Variants in ASPRV1 observed in about 807,000 individuals in gnomAD.
ASPRV1 encodes the protein aspartic peptidase retroviral like 1, also known as retroviral-like aspartic protease 1.
In ASPRV1, 7 loss-of-function variants were observed where a neutral mutation model predicts 11.0. The ratio of observed to expected loss-of-function variants is 0.64; its 90% CI spans 0.36 to 1.20. The LOEUF (loss-of-function observed/expected upper bound fraction) is 1.20. Among genes scored for constraint, ASPRV1 ranks in the 50% most tolerant of loss-of-function variants. The pLI, the probability that ASPRV1 is intolerant of heterozygous loss-of-function variation, is 0.02. For synonymous variants in ASPRV1, 136 were observed against 138.4 expected (o/e 0.98, Z 0.12); for missense variants, 299 against 320.0 (o/e 0.93, Z 0.50).
At chr2:70,009,591 A>G in the ASPRV1 span, among the ~76,000 whole-genome samples, 70 of 152,266 alleles carry the variant, frequency 4.6e-4, no homozygotes, top group African/African-American at 1.6e-3. Context: ...CGGCCTCCCA[A>G]AGTGCTGGGA....
At chr2:69,947,517 T>A in the ASPRV1 span, among the ~76,000 whole-genome samples, 3 of 152,196 alleles carry the variant, frequency 2.0e-5, no homozygotes, top group East Asian at 1.9e-4. Flanking sequence ...GTGACCCAGT[T>A]TCCCCTTAGT....
chr2:70,048,535 T>G, the ASPRV1 span, among the ~76,000 whole-genome samples: 20 of 151,928 alleles, frequency 1.3e-4, no homozygotes, highest in African/African-American at 4.8e-4. Flanking sequence ...GCAGGAGGTA[T>G]GGAATCTATG....
chr2:70,037,149 G>A, the ASPRV1 span, among the ~76,000 whole-genome samples: 4 of 152,238 alleles, frequency 2.6e-5, no homozygotes, highest in East Asian at 5.8e-4. Flanking sequence ...TTCAACTCCA[G>A]GAAACAAATC....
the ASPRV1 span, among the ~76,000 whole-genome samples, chr2:69,997,296 T>C: frequency 2.4e-4 from 36 of 152,096 alleles, no homozygotes; most frequent in Non-Finnish European, 4.3e-4. Flanking sequence ...CATGGCTTTA[T>C]CCATCTCCTC....
chr2:69,951,513 ATC>A, the ASPRV1 span, among the ~76,000 whole-genome samples: 348 of 148,716 alleles, frequency 2.3e-3, no homozygotes, highest in African/African-American at 7.8e-3. Flanking sequence ...ATATATATAG[ATC>A]TATACACACA....
At chr2:70,047,736 G>T in the ASPRV1 span, among the ~76,000 whole-genome samples, 1 of 152,224 alleles carries the variant, frequency 6.6e-6, no homozygotes, top group African/African-American at 2.4e-5. Context: ...GCTACAGTCA[G>T]AAGCCTCCCG....
the ASPRV1 span, among the ~76,000 whole-genome samples, chr2:69,936,281 C>T: frequency 6.6e-6 from 1 of 152,126 alleles, no homozygotes; most frequent in African/African-American, 2.4e-5. Context: ...TGACATTTGA[C>T]AGTGGTTTGT....
At chr2:70,082,195 G>A in the ASPRV1 span, among the ~76,000 whole-genome samples, 1 of 151,944 alleles carries the variant, frequency 6.6e-6, no homozygotes, top group Non-Finnish European at 1.5e-5. Flanking sequence ...ATGTTGGTCA[G>A]GCTGGTCTCG....
At chr2:70,055,577 T>C in the ASPRV1 span, 2 of 151,886 alleles carry the variant, frequency 1.3e-5, no homozygotes, top group South Asian at 4.2e-4. Flanking sequence ...GAGCTGAACA[T>C]TGAGAACACA....
chr2:70,048,754 A>G, the ASPRV1 span: 1 of 152,454 alleles, frequency 6.6e-6, no homozygotes, highest in Non-Finnish European at 1.5e-5. Flanking sequence ...TCCAGGTGTC[A>G]GTAGGGCCAT....
At chr2:69,957,837 T>C (rs1171002996), downstream of ASPRV1, among the ~76,000 whole-genome samples, 2 of 152,208 alleles carry the variant, frequency 1.3e-5, no homozygotes, top group African/African-American at 4.8e-5. Context: ...GTGATTATCA[T>C]GTGCTCCAAA....
At chr2:70,013,778 G>A in the ASPRV1 span, among the ~76,000 whole-genome samples, 1 of 152,166 alleles carries the variant, frequency 6.6e-6, no homozygotes. Flanking sequence ...CTACTCAGGA[G>A]GCTGAGGCAT....
chr2:69,947,142 T>G, the ASPRV1 span, among the ~76,000 whole-genome samples: 3 of 152,196 alleles, frequency 2.0e-5, no homozygotes, highest in African/African-American at 7.2e-5. Flanking sequence ...TTGTGATGAT[T>G]CTTGGCTACT....
At chr2:70,053,005 C>G in the ASPRV1 span, among the ~76,000 whole-genome samples, 2 of 152,122 alleles carry the variant, frequency 1.3e-5, no homozygotes, top group African/African-American at 4.8e-5. Flanking sequence ...CCCTTTTTGG[C>G]CCCTACCATG....
At chr2:69,946,666 A>G in the ASPRV1 span, among the ~76,000 whole-genome samples, 20 of 152,242 alleles carry the variant, frequency 1.3e-4, no homozygotes, top group African/African-American at 4.3e-4. Context: ...CTTGGAAGGG[A>G]AAATTACATT....
chr2:69,943,233 G>A, the ASPRV1 span, among the ~76,000 whole-genome samples: 1 of 152,196 alleles, frequency 6.6e-6, no homozygotes, highest in Admixed American at 6.5e-5. Flanking sequence ...TTTGTTTTGG[G>A]TGCCTCTAAT....
chr2:69,933,200 C>CAAAAAAAAAAAAAA, the ASPRV1 span, among the ~76,000 whole-genome samples: 6 of 80,154 alleles, frequency 7.5e-5, no homozygotes, highest in South Asian at 4.3e-4. Flanking sequence ...AACTCTGTCT[C>CAAAAAAAAAAAAAA]AAAAAAAAAA....
chr2:70,055,017 C>G, the ASPRV1 span, among the ~76,000 whole-genome samples: 1 of 152,076 alleles, frequency 6.6e-6, no homozygotes, highest in East Asian at 1.9e-4. Context: ...TTAAAAAACA[C>G]TCAGGACAGG....
the ASPRV1 span, among the ~76,000 whole-genome samples, chr2:70,048,461 C>G: frequency 9.2e-5 from 14 of 151,962 alleles, no homozygotes; most frequent in South Asian, 2.1e-4. Context: ...ATTCCAGCAG[C>G]TCAGCTCCAG....
Sources: allele counts gnomAD v4.1 joint callset (sites outside exome capture counted in the v4.1 genomes callset), GRCh38; gene constraint gnomAD v4.1.1; transcripts MANE v1.5; gene names NCBI Gene and HGNC (gene_info 2026-07-23, HGNC 2026-07-21).